The following IMMP2L variants were observed in gnomAD, a reference collection of about 807,000 sequenced individuals.
IMMP2L encodes inner mitochondrial membrane peptidase subunit 2, also known as mitochondrial inner membrane protease subunit 2.
A neutral mutation model predicts 19.3 loss-of-function variants in IMMP2L; 18 were observed. The observed-to-expected ratio is 0.93, with a 90% CI of 0.64 to 1.38. The LOEUF (loss-of-function observed/expected upper bound fraction) is 1.38. Ranked by LOEUF, IMMP2L falls within the 40% of genes most tolerant of loss-of-function variation. The pLI, the probability that IMMP2L is intolerant of heterozygous loss-of-function variation, is 0.00. For synonymous variants in IMMP2L, 76 were observed against 73.0 expected, an observed-to-expected ratio of 1.04 and a Z score of -0.21; for missense variants, 233 against 218.2, an observed-to-expected ratio of 1.07 and a Z score of -0.43.
At chr7:111,152,579 C>G (rs1804198897) in intron 3 of IMMP2L, among the ~76,000 whole-genome samples, 1 of 152,056 alleles carries the variant, frequency 6.6e-6, no homozygotes, top group Admixed American at 6.6e-5. Context: ...ATTCCTTTGT[C>G]ATCCTCCCTA....
At chr7:111,252,766 T>C (rs771506290) in intron 3 of IMMP2L, among the ~76,000 whole-genome samples, 21 of 152,156 alleles carry the variant, frequency 1.4e-4, no homozygotes, top group Non-Finnish European at 2.9e-4. Flanking sequence ...TTTGATATTG[T>C]TTCAGAGGCA....
intron 4 of IMMP2L, among the ~76,000 whole-genome samples, chr7:110,951,101 G>A (rs1817790378): frequency 6.6e-6 from 1 of 151,186 alleles, no homozygotes; most frequent in East Asian, 2.0e-4. Flanking sequence ...GAGTAGAAGG[G>A]GGTTACCAGG....
chr7:111,089,408 T>C (rs1796622427), intron 3 of IMMP2L, among the ~76,000 whole-genome samples: 1 of 152,080 alleles, frequency 6.6e-6, no homozygotes, highest in African/African-American at 2.4e-5. Context: ...TAAATAAAAA[T>C]TCTCTTTTTA....
At chr7:111,152,829 T>C (rs775297400) in intron 3 of IMMP2L, among the ~76,000 whole-genome samples, 20 of 152,174 alleles carry the variant, frequency 1.3e-4, no homozygotes, top group African/African-American at 2.9e-4. Context: ...CTCTACTGAA[T>C]TATGAGCTAA....
At chr7:111,016,861 A>T (rs1471127670) in intron 3 of IMMP2L, among the ~76,000 whole-genome samples, 10 of 84,376 alleles carry the variant, frequency 1.2e-4, no homozygotes, top group Non-Finnish European at 1.8e-4. Context: ...TATATTATAT[A>T]ATATATTACA....
chr7:110,881,088 T>C (rs1376558749), intron 5 of IMMP2L, among the ~76,000 whole-genome samples: 1 of 152,158 alleles, frequency 6.6e-6, no homozygotes, highest in Non-Finnish European at 1.5e-5. Context: ...CATGTCTTAA[T>C]TACAGCAACA....
intron 2 of IMMP2L, among the ~76,000 whole-genome samples, chr7:111,491,843 G>A (rs1174525092): frequency 6.6e-6 from 1 of 151,718 alleles, no homozygotes; most frequent in Non-Finnish European, 1.5e-5. Flanking sequence ...GACCATCTGG[G>A]CTCTGGACCA....
chr7:111,429,121 T>C (rs1478425852), intron 3 of IMMP2L, among the ~76,000 whole-genome samples: 2 of 151,822 alleles, frequency 1.3e-5, no homozygotes. Flanking sequence ...TTTTTCTTCT[T>C]TCATTAAGTA....
intron 3 of IMMP2L, among the ~76,000 whole-genome samples, chr7:111,389,881 T>TA (rs1230735028): frequency 6.6e-6 from 1 of 152,154 alleles, no homozygotes; most frequent in Non-Finnish European, 1.5e-5. Context: ...CTAAGGGCAC[T>TA]AAACAAATAA....
chr7:111,375,967 G>C (rs572814041), intron 3 of IMMP2L, among the ~76,000 whole-genome samples: 1 of 152,232 alleles, frequency 6.6e-6, no homozygotes, highest in East Asian at 1.9e-4. Context: ...TATATTACTT[G>C]AGACATGTTA....
intron 5 of IMMP2L, among the ~76,000 whole-genome samples, chr7:110,840,583 G>A (rs910826563): frequency 2.6e-5 from 4 of 152,046 alleles, no homozygotes; most frequent in African/African-American, 9.7e-5. Flanking sequence ...AAATTACATG[G>A]AATAACTTGT....
chr7:110,683,159 T>G (rs1375975236), intron 5 of IMMP2L, among the ~76,000 whole-genome samples: 1 of 152,124 alleles, frequency 6.6e-6, no homozygotes, highest in Non-Finnish European at 1.5e-5. Context: ...AGATAATACC[T>G]CTTAAAATCC....
intron 3 of IMMP2L, among the ~76,000 whole-genome samples, chr7:111,387,988 A>AAAAAAAAAAAAAAAAAAAC (rs1563131624): frequency 7.3e-5 from 11 of 150,672 alleles, no homozygotes; most frequent in African/African-American, 2.7e-4. Flanking sequence ...AAAAAAAAAA[A>AAAAAAAAAAAAAAAAAAAC]AAAAAAAAAA....
rs991146565 is a variant in IMMP2L at position 111,299,436 on chromosome 7, T to C, written c.239+187802A>G. Among the ~76,000 whole-genome samples, 3 of 152,216 alleles carry C rather than the reference T, an allele frequency of 2.0e-5. No individual in the cohort carries two copies. In the South Asian group the frequency reaches 6.2e-4, roughly 32 times the overall value. ...TAGGTGTTCTAGTAAGCTCATCAAA[T>C]AAATAATCTTCAAAATGCAACATAG... On this transcript the variant is annotated intron_variant, in intron 3 of 5. Coordinates refer to ENST00000405709, the MANE Select transcript of IMMP2L (RefSeq NM_032549.4).
intron 1 of IMMP2L, among the ~76,000 whole-genome samples, chr7:111,536,696 T>G (rs1243000171): frequency 1.3e-5 from 2 of 152,180 alleles, no homozygotes; most frequent in African/African-American, 4.8e-5. Context: ...AAAAATTTTT[T>G]TCAATTTATA....
rs1233218819 is a variant in IMMP2L, at chr7:111,213,773, A to G, written c.240-250208T>C. Among the ~76,000 whole-genome samples, 1 of 152,140 alleles carries G rather than the reference A, an allele frequency of 6.6e-6. No individual in the cohort carries two copies. Among genetic ancestry groups the G allele is most frequent in the Non-Finnish European group, 1.5e-5 (1 of 68,002 alleles). On this transcript the variant is annotated intron_variant, in intron 3 of 5. Transcript: ENST00000405709. This position sits in a 1 kb window ranked among gnomAD's most constrained non-coding sequence, Gnocchi z 4.8. ...TACCCACACCAGAGTCTCCTATCTA[A>G]TGAGCGCTGAACATTTGAAGGAATG... is the stretch of plus-strand genomic sequence containing the variant.
chr7:111,482,658 G>A (rs984896466), intron 3 of IMMP2L, among the ~76,000 whole-genome samples: 1 of 152,190 alleles, frequency 6.6e-6, no homozygotes, highest in African/African-American at 2.4e-5. Flanking sequence ...ATGCCTGAAA[G>A]AGAAATCCTA....
intron 3 of IMMP2L, among the ~76,000 whole-genome samples, chr7:111,414,929 T>TC (rs1834819745): frequency 6.6e-6 from 1 of 151,828 alleles, no homozygotes; most frequent in Non-Finnish European, 1.5e-5. Context: ...CTCTGAAGAT[T>TC]CCCTTCCCCT....
At chr7:110,966,639 C>T (rs140611893) in intron 3 of IMMP2L, among the ~76,000 whole-genome samples, 2 of 151,988 alleles carry the variant, frequency 1.3e-5, no homozygotes, top group East Asian at 1.9e-4. Flanking sequence ...TTACAAATTA[C>T]TACTTCAAAT....
Sources: allele counts gnomAD v4.1 joint callset (sites outside exome capture counted in the v4.1 genomes callset), GRCh38; gene constraint gnomAD v4.1.1; non-coding constraint Gnocchi (gnomAD v3.1); transcripts MANE v1.5; gene names NCBI Gene and HGNC (gene_info 2026-07-23, HGNC 2026-07-21).